PUM2: variants seen among roughly 807,000 people sequenced by gnomAD.
PUM2 encodes the protein pumilio RNA binding family member 2.
Under a neutral mutation model 124.5 loss-of-function variants are expected in PUM2, and 57 were observed. The observed-to-expected ratio is 0.46, with a 90% CI of 0.37 to 0.57. The LOEUF (loss-of-function observed/expected upper bound fraction) is 0.57, where lower values mean the gene tolerates loss of function less well. Ranked by LOEUF, PUM2 falls within the 20% of genes least tolerant of loss-of-function variation. The pLI is 0.00. For missense variants in PUM2, 1,065 were observed against 1,290.6 expected (o/e 0.83, Z 2.68); for synonymous variants, 460 against 446.1 (o/e 1.03, Z -0.39).
At chr2:20,329,610 G>A (rs540125129) in intron 1 of PUM2, among the ~76,000 whole-genome samples, 1 of 152,256 alleles carries the variant, frequency 6.6e-6, no homozygotes, top group Non-Finnish European at 1.5e-5. Flanking sequence ...CAGCTTTTGA[G>A]AAATGGCAAG....
At chr2:20,343,974 A>AT (rs1175972140) in intron 1 of PUM2, among the ~76,000 whole-genome samples, 1 of 152,212 alleles carries the variant, frequency 6.6e-6, no homozygotes, top group Non-Finnish European at 1.5e-5. Context: ...TAGATGGAGC[A>AT]TTATTGAGGC....
At chr2:20,280,705 T>C (rs1265758689) in intron 12 of PUM2, among the ~76,000 whole-genome samples, 3 of 152,172 alleles carry the variant, frequency 2.0e-5, no homozygotes, top group Non-Finnish European at 1.5e-5. Flanking sequence ...TAAGTTTTAC[T>C]ATATGTCTAA....
At chr2:20,316,063 G>A (rs944314916) in intron 3 of PUM2, among the ~76,000 whole-genome samples, 1 of 151,916 alleles carries the variant, frequency 6.6e-6, no homozygotes, top group Admixed American at 6.6e-5. Flanking sequence ...CCTAATATAG[G>A]TTAATTCTAA....
chr2:20,284,033 C>G (rs1251032220), intron 10 of PUM2, among the ~76,000 whole-genome samples: 1 of 152,160 alleles, frequency 6.6e-6, no homozygotes, highest in African/African-American at 2.4e-5. Context: ...TTATTGTAGC[C>G]TTAAGCACAA....
At chr2:20,282,409 T>C (rs1035143530) in intron 12 of PUM2, among the ~76,000 whole-genome samples, 1 of 152,252 alleles carries the variant, frequency 6.6e-6, no homozygotes, top group Non-Finnish European at 1.5e-5. Flanking sequence ...AAGATAACCA[T>C]ACTGGTAGCT....
chr2:20,281,853 T>A (rs1473481590), intron 12 of PUM2, among the ~76,000 whole-genome samples: 1 of 152,238 alleles, frequency 6.6e-6, no homozygotes, highest in East Asian at 1.9e-4. Flanking sequence ...TAAAAGTTTG[T>A]GGCTGTTCTA....
At chr2:20,308,716 A>C (rs1475076506) in intron 5 of PUM2, 132 bp from the exon 6 acceptor site, 6 of 782,204 alleles carry the variant, frequency 7.7e-6, no homozygotes, top group African/African-American at 1.8e-5. Context: ...TCACTATGCC[A>C]CCTTATCACA....
chr2:20,288,864 G>A (rs79302119), intron 10 of PUM2, among the ~76,000 whole-genome samples: 1 of 152,342 alleles, frequency 6.6e-6, no homozygotes, highest in East Asian at 1.9e-4. Flanking sequence ...AGGGGATCAT[G>A]TGAACAGCCC....
intron 3 of PUM2, among the ~76,000 whole-genome samples, chr2:20,314,012 G>A (rs763780455): frequency 3.3e-5 from 5 of 151,690 alleles, no homozygotes; most frequent in African/African-American, 7.3e-5. Context: ...ACATGGTGAC[G>A]GGCACTTATA....
At chr2:20,259,361 C>G (rs573905704) in intron 15 of PUM2, among the ~76,000 whole-genome samples, 1 of 152,346 alleles carries the variant, frequency 6.6e-6, no homozygotes, top group South Asian at 2.1e-4. Flanking sequence ...GTGCAACCAC[C>G]ATCACTATCA....
chr2:20,258,184 T>TGTAATA, intron 16 of PUM2, 59 bp downstream of exon 16: 1 of 1,406,840 alleles, frequency 7.1e-7, no homozygotes, highest in Non-Finnish European at 9.6e-7. Flanking sequence ...ATTAAAAACA[T>TGTAATA]GTAATAATTT....
chr2:20,259,564 T>A (rs1341819486), intron 15 of PUM2, among the ~76,000 whole-genome samples: 1 of 152,222 alleles, frequency 6.6e-6, no homozygotes, highest in African/African-American at 2.4e-5. Context: ...TTGTTTCACT[T>A]AAGTTAGTAT....
intron 1 of PUM2, among the ~76,000 whole-genome samples, 187 bp from the exon 2 acceptor site, chr2:20,327,565 A>G (rs1172078412): frequency 6.6e-6 from 1 of 152,188 alleles, no homozygotes; most frequent in African/African-American, 2.4e-5. Context: ...CTGTAGAAAA[A>G]CATTAGGTCA....
At chr2:20,351,668 C>T (rs957128866), upstream of PUM2, among the ~76,000 whole-genome samples, 2 of 152,230 alleles carry the variant, frequency 1.3e-5, no homozygotes, top group Non-Finnish European at 2.9e-5. Context: ...CTAACCGGCT[C>T]CAGGTCACAC....
chr2:20,295,043 C>T (rs1675181135), intron 8 of PUM2, among the ~76,000 whole-genome samples: 1 of 152,082 alleles, frequency 6.6e-6, no homozygotes, highest in Non-Finnish European at 1.5e-5. Context: ...TCACGATTCT[C>T]ACAGAACAAC....
chr2:20,335,666 A>G (rs952706119), intron 1 of PUM2, among the ~76,000 whole-genome samples: 2 of 152,232 alleles, frequency 1.3e-5, no homozygotes, highest in Non-Finnish European at 2.9e-5. Context: ...AAAGCTCTAT[A>G]ACAAAGAATA....
intron 6 of PUM2, 28 bp from the exon 7 acceptor site, chr2:20,308,099 A>T (rs769579230): frequency 8.2e-6 from 13 of 1,583,380 alleles, no homozygotes; most frequent in East Asian, 2.3e-5. Context: ...TAACACAAAG[A>T]TTAGTGTCAA....
chr2:20,307,949 G>C, intron 7 of PUM2, 29 bp downstream of exon 7: 1 of 1,590,998 alleles, frequency 6.3e-7, no homozygotes, highest in South Asian at 1.1e-5. Context: ...ACAAGACTTT[G>C]GTCAAAATGA....
chr2:20,305,463 G>GACAA (rs1553387231), intron 7 of PUM2, among the ~76,000 whole-genome samples: 1 of 46,138 alleles, frequency 2.2e-5, no homozygotes. Flanking sequence ...CCCTGTCTTC[G>GACAA]AAAAAAAAAA....
Sources: allele counts gnomAD v4.1 joint callset (sites outside exome capture counted in the v4.1 genomes callset), GRCh38; gene constraint gnomAD v4.1.1; transcripts MANE v1.5; gene names NCBI Gene and HGNC (gene_info 2026-07-23, HGNC 2026-07-21).